PXDNL: variants seen among roughly 807,000 people sequenced by gnomAD.
PXDNL encodes peroxidasin like, also known as probable oxidoreductase PXDNL.
A neutral mutation model predicts 150.8 loss-of-function variants in PXDNL; 145 were observed. That is an observed-to-expected ratio of 0.96 (90% CI 0.84 to 1.10). PXDNL has a LOEUF of 1.10. PXDNL is among the 50% of genes least tolerant of loss of function. PXDNL has a pLI of 0.00. For missense variants in PXDNL, 2,087 were observed against 1,873.9 expected, an observed-to-expected ratio of 1.11 and a Z score of -2.10; for synonymous variants, 757 against 725.7, an observed-to-expected ratio of 1.04 and a Z score of -0.69.
intron 17 of PXDNL, among the ~76,000 whole-genome samples, chr8:51,377,417 G>A (rs990131322): frequency 6.6e-5 from 10 of 152,296 alleles, no homozygotes; most frequent in South Asian, 4.1e-4. Flanking sequence ...CACTCTGGCC[G>A]TGCTTGAGGG....
chr8:51,436,178 C>T (rs943888933), intron 12 of PXDNL: 30 of 520,104 alleles, frequency 5.8e-5, no homozygotes, highest in Middle Eastern at 4.4e-4. Context: ...TTTAGTACAC[C>T]GTGGTATCAT....
At chr8:51,804,146 G>T (rs962964980) in intron 1 of PXDNL, among the ~76,000 whole-genome samples, 12 of 152,172 alleles carry the variant, frequency 7.9e-5, no homozygotes, top group African/African-American at 2.9e-4. Flanking sequence ...ATATTGATTT[G>T]GTCTGGAAGG....
chr8:51,697,401 G>A (rs1473596432), intron 1 of PXDNL, among the ~76,000 whole-genome samples: 1 of 152,040 alleles, frequency 6.6e-6, no homozygotes, highest in Non-Finnish European at 1.5e-5. Flanking sequence ...TGGGTTTATT[G>A]GCTTACATAT....
intron 3 of PXDNL, among the ~76,000 whole-genome samples, chr8:51,582,756 T>C (rs1757503602): frequency 6.6e-6 from 1 of 152,188 alleles, no homozygotes. Context: ...ACAGTTATCC[T>C]ATGTTAAAGC....
At chr8:51,766,017 G>A (rs552773835) in intron 1 of PXDNL, among the ~76,000 whole-genome samples, 1 of 151,978 alleles carries the variant, frequency 6.6e-6, no homozygotes, top group Admixed American at 6.5e-5. Context: ...CTAATTTTTT[G>A]TATTTTTTAG....
intron 1 of PXDNL, among the ~76,000 whole-genome samples, chr8:51,727,144 C>G (rs1330939070): frequency 6.6e-6 from 1 of 152,114 alleles, no homozygotes; most frequent in Non-Finnish European, 1.5e-5. Context: ...TGAGATGCTA[C>G]AAAACAAGTA....
At chr8:51,712,327 T>G (rs1039802368) in intron 1 of PXDNL, among the ~76,000 whole-genome samples, 1 of 152,208 alleles carries the variant, frequency 6.6e-6, no homozygotes, top group East Asian at 1.9e-4. Flanking sequence ...CTGGGCTGAT[T>G]TCAGCTAATT....
At chr8:51,775,450 G>C (rs2037341809) in intron 1 of PXDNL, among the ~76,000 whole-genome samples, 1 of 152,196 alleles carries the variant, frequency 6.6e-6, no homozygotes, top group African/African-American at 2.4e-5. Context: ...GGGTTCATCA[G>C]TGTCACCCTG....
At chr8:51,547,713 T>C (rs71513532) in intron 4 of PXDNL, among the ~76,000 whole-genome samples, 10,525 of 152,240 alleles carry the variant, frequency 0.069, 456 homozygotes, top group South Asian at 0.1. Context: ...GTCCCAGATC[T>C]TTCCACTGAA....
chr8:51,370,029 C>T (rs140042431), intron 19 of PXDNL, among the ~76,000 whole-genome samples: 2 of 152,314 alleles, frequency 1.3e-5, no homozygotes, highest in East Asian at 3.9e-4. Flanking sequence ...CACGTGCTAC[C>T]AGGTGGCGGT....
chr8:51,386,595 AAT>A (rs1196691797), intron 17 of PXDNL, among the ~76,000 whole-genome samples: 3 of 152,058 alleles, frequency 2.0e-5, no homozygotes, highest in Admixed American at 6.6e-5. Context: ...AGAAATAGAT[AAT>A]ATATATATAG....
chr8:51,782,680 C>T (rs911754409), intron 1 of PXDNL, among the ~76,000 whole-genome samples: 2 of 152,166 alleles, frequency 1.3e-5, no homozygotes, highest in South Asian at 2.1e-4. Context: ...TCCTTTATGG[C>T]GTGCTAAATA....
intron 4 of PXDNL, among the ~76,000 whole-genome samples, chr8:51,519,963 G>T (rs1811624806): frequency 6.6e-6 from 1 of 152,206 alleles, no homozygotes; most frequent in African/African-American, 2.4e-5. Context: ...TACCTAGAGC[G>T]GAACACCGCA....
At chr8:51,692,187 T>C (rs527365058) in intron 1 of PXDNL, among the ~76,000 whole-genome samples, 1 of 152,326 alleles carries the variant, frequency 6.6e-6, no homozygotes, top group Non-Finnish European at 1.5e-5. Flanking sequence ...GTGTGCTATA[T>C]TACAAAACTA....
chr8:51,523,673 G>A (rs1413529939), intron 4 of PXDNL, among the ~76,000 whole-genome samples: 1 of 152,144 alleles, frequency 6.6e-6, no homozygotes, highest in Non-Finnish European at 1.5e-5. Context: ...CAGTATTACT[G>A]CAAACTGCAC....
At position 51,703,687 on chromosome 8, in the gene PXDNL, G is replaced by A. The variant is rs11779869; in HGVS notation, c.165-48927C>T. Among the ~76,000 whole-genome samples the A allele has an allele frequency of 8.5e-3, 1,289 of 152,192 alleles. 8 individuals are homozygous for A. The highest frequency in any genetic ancestry group is 0.017 in the Admixed American group (255 of 15,280). ...GCCAGCAAGTACTGCCTAGTCCTGC[G>A]AGTAACTTCTTGTGTCCACTCATAA... is the stretch of plus-strand genomic sequence containing the variant. On this transcript the variant is annotated intron_variant, in intron 1 of 22. Coordinates refer to ENST00000356297, the MANE Select transcript of PXDNL (RefSeq NM_144651.5).
At chr8:51,730,115 C>A (rs777344247) in intron 1 of PXDNL, among the ~76,000 whole-genome samples, 9 of 152,098 alleles carry the variant, frequency 5.9e-5, no homozygotes, top group Non-Finnish European at 1.0e-4. Flanking sequence ...CAAGTGATAA[C>A]TATGAACTTT....
At chr8:51,552,028 C>T (rs150904182) in intron 4 of PXDNL, among the ~76,000 whole-genome samples, 32 of 152,142 alleles carry the variant, frequency 2.1e-4, no homozygotes, top group Non-Finnish European at 4.0e-4. Context: ...CATGAATAGA[C>T]AATGCTGAAA....
rs986528782 is a variant in PXDNL at position 51,411,210 on chromosome 8, G to A, written c.2062+40C>T. The A allele has an allele frequency of 3.0e-6, 4 of 1,355,806 alleles. No individual in the cohort carries two copies. The African/African-American group carries it at 6.0e-5, about 20-fold the overall frequency. 84.0% of individuals were successfully genotyped at this position (1,355,806 alleles called of 1,614,324 possible). On this transcript the variant is annotated intron_variant, in intron 16 of 22. Transcript: ENST00000356297. ...TGCTAAGGTGGTGGTCAGTTTTTCT[G>A]TGGGCAGTAGGCTGAGAATAAAATG...
Sources: allele counts gnomAD v4.1 joint callset (sites outside exome capture counted in the v4.1 genomes callset), GRCh38; gene constraint gnomAD v4.1.1; transcripts MANE v1.5; gene names NCBI Gene and HGNC (gene_info 2026-07-23, HGNC 2026-07-21).